ROCK1: variants seen among roughly 807,000 people sequenced by gnomAD.
ROCK1 encodes rho-associated protein kinase 1.
In ROCK1, 36 loss-of-function variants were observed where a neutral mutation model predicts 196.8. The ratio of observed to expected loss-of-function variants is 0.18; its 90% CI spans 0.14 to 0.24. The LOEUF is 0.24. Among genes scored for constraint, ROCK1 ranks in the 10% least tolerant of loss-of-function variants. ROCK1 has a pLI of 1.00. For synonymous variants in ROCK1, 443 were observed against 515.9 expected (o/e 0.86, Z 1.91); for missense variants, 920 against 1,562.0 (o/e 0.59, Z 6.93).
intron 1 of ROCK1, among the ~76,000 whole-genome samples, chr18:21,104,744 A>AT (rs1441563895): frequency 1.3e-5 from 2 of 152,230 alleles, no homozygotes; most frequent in African/African-American, 4.8e-5. Flanking sequence ...AGAGAACAAG[A>AT]TAACAACTCA....
intron 5 of ROCK1, among the ~76,000 whole-genome samples, chr18:21,044,501 T>C (rs1345146444): frequency 5.3e-5 from 8 of 152,106 alleles, no homozygotes; most frequent in South Asian, 2.1e-4. Flanking sequence ...ACATATTAGA[T>C]AGGTAAGTAC....
chr18:21,023,744 C>A, intron 10 of ROCK1, 64 bp from the exon 11 acceptor site: 1 of 854,210 alleles, frequency 1.2e-6, no homozygotes, highest in East Asian at 2.7e-5. Context: ...CCATGACAAC[C>A]AATAATAAAT....
chr18:21,078,373 C>G (rs12958389), intron 1 of ROCK1, among the ~76,000 whole-genome samples: 6,706 of 65,594 alleles, frequency 0.1, 160 homozygotes, highest in South Asian at 0.18. Context: ...CACACACACA[C>G]AGAGAGAGAG....
intron 1 of ROCK1, among the ~76,000 whole-genome samples, chr18:21,100,180 CCTAA>C (rs1317609439): frequency 6.6e-6 from 1 of 150,650 alleles, no homozygotes; most frequent in African/African-American, 2.4e-5. Context: ...AATGAAAGAG[CCTAA>C]CTGACAAGAA....
At chr18:21,108,859 A>C (rs1598566404) in intron 1 of ROCK1, among the ~76,000 whole-genome samples, 1 of 152,204 alleles carries the variant, frequency 6.6e-6, no homozygotes, top group Non-Finnish European at 1.5e-5. Flanking sequence ...ATTTATAAAT[A>C]TTTAATAGCC....
In ROCK1 at chr18:20,991,326, C is replaced by G; in HGVS notation, c.1993G>C (p.Glu665Gln). 6.3e-7 allele frequency: 1 copy of G among 1,583,968 alleles called. No individual in the cohort carries two copies. Among genetic ancestry groups the G allele is most frequent in the South Asian group, 1.1e-5 (1 of 88,036 alleles). The change falls in exon 18 of 33, where the codon GAA becomes CAA. Residue 665 changes from glutamate (E) to glutamine (Q), a missense_variant and splice_region_variant. Physicochemically the swap from Glu to Gln is conservative, Grantham distance 29 (BLOSUM62 2). Transcript: ENST00000399799. ...AAATCTATCTCTAAATTATTCTTTT[C>G]CTGTAAAATGGGAGTAGGAGTCATG... ...AQDMLNHSEK[E>Q]KNNLEIDLNY...
At chr18:21,088,597 T>C (rs910127183) in intron 1 of ROCK1, among the ~76,000 whole-genome samples, 7 of 152,184 alleles carry the variant, frequency 4.6e-5, no homozygotes, top group Non-Finnish European at 7.3e-5. Flanking sequence ...CTGAACAAAT[T>C]TGCTATGGTC....
In ROCK1 at chr18:20,950,059, CATT is replaced by C. The variant is rs1272854826; in HGVS notation, c.*1322_*1324del. ...TATCTGATACACATTACTGCAAAGC[CATT>C]ATAAATTACTGAGGAGGTATTTGGT... On this transcript the variant is annotated 3_prime_UTR_variant, in exon 33 of 33. Coordinates refer to ENST00000399799, the MANE Select transcript of ROCK1 (RefSeq NM_005406.3). 1 of 152,714 alleles carries C rather than the reference CATT, an allele frequency of 6.5e-6. No homozygotes were observed. Among genetic ancestry groups the C allele is most frequent in the East Asian group, 1.9e-4 (1 of 5,190 alleles). The allele number at this position is 152,714 out of a possible 1,614,324, so 9.5% of individuals were successfully genotyped here. A position where few individuals can be genotyped will look rare whatever the true frequency, so the allele number is the denominator to read the frequency against.
intron 1 of ROCK1, among the ~76,000 whole-genome samples, chr18:21,078,076 C>T (rs574235506): frequency 6.6e-6 from 1 of 152,268 alleles, no homozygotes; most frequent in South Asian, 2.1e-4. Context: ...TGCCTGTAAT[C>T]CCAGCACTTT....
At chr18:21,033,340 G>T (rs573010919) in intron 9 of ROCK1, among the ~76,000 whole-genome samples, 1 of 152,116 alleles carries the variant, frequency 6.6e-6, no homozygotes, top group South Asian at 2.1e-4. Context: ...TCCTCAATAT[G>T]ATAAAGGACA....
chr18:21,066,653 T>C (rs571178174), intron 2 of ROCK1, among the ~76,000 whole-genome samples: 1 of 152,380 alleles, frequency 6.6e-6, no homozygotes, highest in Non-Finnish European at 1.5e-5. Flanking sequence ...AAGTTTTGCA[T>C]TTCCAGCATG....
Position 20,967,949 on chromosome 18 carries a change from A to G in ROCK1, c.3004-9T>C. Reference sequence around the variant, plus strand: ...GCCAATTTGTTAACAGCCTATTAAAATATTATTAATAAAGATCAATAGTGT... The same window carrying G: ...GCCAATTTGTTAACAGCCTATTAAAGTATTATTAATAAAGATCAATAGTGT... On this transcript the variant is annotated splice_polypyrimidine_tract_variant and intron_variant, in intron 25 of 32. Transcript: ENST00000399799. 6.7e-7 allele frequency: 1 copy of G among 1,486,610 alleles called. No individual in the cohort carries two copies. The highest frequency in any genetic ancestry group is 9.1e-7 in the Non-Finnish European group (1 of 1,100,908). 92.1% of individuals were successfully genotyped at this position (1,486,610 alleles called of 1,614,324 possible). A position where few individuals can be genotyped will look rare whatever the true frequency, so the allele number is the denominator to read the frequency against.
rs368830912 is a variant in ROCK1 at position 21,036,971 on chromosome 18, T to C, written c.1051+2501A>G. On this transcript the variant is annotated intron_variant, in intron 9 of 32. Coordinates refer to ENST00000399799, the MANE Select transcript of ROCK1 (RefSeq NM_005406.3). ...AACAATTGTCAATTCCTTCCATTTT[T>C]GATCTATATAACACTGAACAGGTAA... is the stretch of plus-strand genomic sequence containing the variant. Among the ~76,000 whole-genome samples the C allele has an allele frequency of 4.7e-4, 72 of 152,310 alleles. No homozygotes were observed. In the South Asian group the frequency reaches 8.9e-3, roughly 19 times the overall value.
intron 32 of ROCK1, 24 bp downstream of exon 32, chr18:20,953,554 A>C: frequency 2.7e-6 from 4 of 1,506,934 alleles, no homozygotes; most frequent in Non-Finnish European, 3.6e-6. Context: ...CATTGTTAAA[A>C]ACGTTAGCAT....
chr18:20,968,073 G>A, intron 25 of ROCK1, 133 bp from the exon 26 acceptor site: 1 of 827,480 alleles, frequency 1.2e-6, no homozygotes. Flanking sequence ...TGATGGTTGA[G>A]ACATGATAAC....
At chr18:21,065,772 T>C (rs1334073280) in intron 2 of ROCK1, among the ~76,000 whole-genome samples, 2 of 152,186 alleles carry the variant, frequency 1.3e-5, no homozygotes, top group Non-Finnish European at 2.9e-5. Context: ...TGCAGCCTTA[T>C]TATTTAGGTA....
chr18:20,952,497 G>C (rs992070462), intron 32 of ROCK1, among the ~76,000 whole-genome samples: 4 of 152,012 alleles, frequency 2.6e-5, no homozygotes, highest in African/African-American at 9.7e-5. Flanking sequence ...TAGTTAAACA[G>C]CCAGGCATGG....
intron 11 of ROCK1, among the ~76,000 whole-genome samples, chr18:21,022,973 G>A (rs1256400404): frequency 6.6e-6 from 1 of 151,252 alleles, no homozygotes; most frequent in Non-Finnish European, 1.5e-5. Flanking sequence ...TATGCTACAT[G>A]AAATAAGCCA....
At chr18:21,008,331 C>CA in intron 13 of ROCK1, 137 bp from the exon 14 acceptor site, 1 of 582,032 alleles carries the variant, frequency 1.7e-6, no homozygotes, top group Non-Finnish European at 2.8e-6. Flanking sequence ...GTTTCAAACG[C>CA]AAATAGTATC....
Sources: allele counts gnomAD v4.1 joint callset (sites outside exome capture counted in the v4.1 genomes callset), GRCh38; gene constraint gnomAD v4.1.1; transcripts MANE v1.5; gene names NCBI Gene and HGNC (gene_info 2026-07-23, HGNC 2026-07-21).